AXDND1: variants seen among roughly 807,000 people sequenced by gnomAD.
AXDND1 encodes axonemal dynein light chain domain-containing protein 1.
Under a neutral mutation model 137.5 loss-of-function variants are expected in AXDND1, and 110 were observed. The ratio of observed to expected loss-of-function variants is 0.80; its 90% CI spans 0.69 to 0.94. The LOEUF is 0.94. Among genes scored for constraint, AXDND1 ranks in the 40% least tolerant of loss-of-function variants. AXDND1 has a pLI of 0.00. For synonymous variants in AXDND1, 414 were observed against 399.7 expected, an observed-to-expected ratio of 1.04 and a Z score of -0.43; for missense variants, 1,191 against 1,169.8, an observed-to-expected ratio of 1.02 and a Z score of -0.26.
At chr1:179,548,184 G>A (rs1328427753) in intron 25 of AXDND1, among the ~76,000 whole-genome samples, 1 of 152,190 alleles carries the variant, frequency 6.6e-6, no homozygotes, top group Non-Finnish European at 1.5e-5. Context: ...GGGGCCAGCA[G>A]GCTCTTATTT....
Position 179,382,682 on chromosome 1 carries a change from C to T in AXDND1, c.582-18C>T. On this transcript the variant is annotated intron_variant, in intron 6 of 25. Coordinates refer to ENST00000367618, the MANE Select transcript of AXDND1 (RefSeq NM_144696.6). ...AAAATTTTCTTAAAATAACATTTAC[C>T]TATCTTATTTATTGTAGCAAATACA... 1 of 1,573,002 alleles carries T rather than the reference C, an allele frequency of 6.4e-7. No homozygotes were observed.
intron 17 of AXDND1, among the ~76,000 whole-genome samples, chr1:179,476,779 A>G (rs1454349645): frequency 6.6e-6 from 1 of 151,852 alleles, no homozygotes; most frequent in Non-Finnish European, 1.5e-5. Context: ...CACTTTCAAG[A>G]TTTTCTCGTT....
intron 9 of AXDND1, among the ~76,000 whole-genome samples, chr1:179,387,492 TAAC>T (rs1170269508): frequency 6.6e-6 from 1 of 152,256 alleles, no homozygotes; most frequent in Non-Finnish European, 1.5e-5. Context: ...ACTGTTATAA[TAAC>T]AATTAAATTT....
Position 179,408,535 on chromosome 1 carries a change from C to T in AXDND1, c.1110-2611C>T, listed in dbSNP as rs1291540369. 2.0e-5 allele frequency among the ~76,000 whole-genome samples: 3 copies of T among 152,142 alleles called. No individual in the cohort carries two copies. In the South Asian group the frequency reaches 6.2e-4, roughly 31 times the overall value. On this transcript the variant is annotated intron_variant, in intron 11 of 25. Transcript: ENST00000367618. ...GGGACTACAGGCATGCACATGCCAT[C>T]ACACCTGGTGAATTTTTGTACTTTT...
intron 21 of AXDND1, 46 bp from the exon 22 acceptor site, chr1:179,525,288 A>G: frequency 6.5e-7 from 1 of 1,532,244 alleles, no homozygotes; most frequent in Non-Finnish European, 8.8e-7. Context: ...AATAATTGCT[A>G]ATATTTATAT....
chr1:179,425,775 G>A (rs1409802111), intron 12 of AXDND1, among the ~76,000 whole-genome samples: 1 of 143,112 alleles, frequency 7.0e-6, no homozygotes, highest in Non-Finnish European at 1.5e-5. Flanking sequence ...GGGTGACAGA[G>A]TTAGACCCTG....
chr1:179,431,973 T>G (rs1050206444), intron 14 of AXDND1, among the ~76,000 whole-genome samples: 1 of 152,320 alleles, frequency 6.6e-6, no homozygotes, highest in Middle Eastern at 3.4e-3. Flanking sequence ...ATTCAACAGA[T>G]CTTCTGATAA....
chr1:179,499,690 A>G (rs1374102742), intron 20 of AXDND1, among the ~76,000 whole-genome samples: 1 of 152,176 alleles, frequency 6.6e-6, no homozygotes, highest in Non-Finnish European at 1.5e-5. Flanking sequence ...TTGGTCTGCT[A>G]AAAGACTAAA....
intron 9 of AXDND1, among the ~76,000 whole-genome samples, chr1:179,391,395 TG>T (rs1303403795): frequency 1.3e-5 from 2 of 152,064 alleles, no homozygotes; most frequent in Non-Finnish European, 2.9e-5. Flanking sequence ...GAATTGTTGT[TG>T]CCATAATCCC....
chr1:179,445,178 A>G lies in AXDND1; in HGVS notation c.1772A>G (p.Tyr591Cys), dbSNP rs1316359726. The G allele has an allele frequency of 6.3e-7, 1 of 1,596,980 alleles. No individual in the cohort carries two copies. Among genetic ancestry groups the G allele is most frequent in the Admixed American group, 1.7e-5 (1 of 58,704 alleles). Residue 591 changes from tyrosine to cysteine, a missense_variant, in exon 16 of 26, where the codon TAT becomes TGT. By Grantham distance (194) the Tyr-to-Cys change is radical. Coordinates refer to ENST00000367618, the MANE Select transcript of AXDND1 (RefSeq NM_144696.6). ...IKNIQKLYKEYEIRINGDNGY... is the reference protein window; with the variant it reads ...IKNIQKLYKECEIRINGDNGY... ...AACATACAAAAACTCTACAAAGAAT[A>G]TGAAATAAGAATAAATGGGGACAAT...
At chr1:179,550,023 T>G (rs1673049042) in intron 25 of AXDND1, among the ~76,000 whole-genome samples, 1 of 152,172 alleles carries the variant, frequency 6.6e-6, no homozygotes, top group Non-Finnish European at 1.5e-5. Flanking sequence ...GTTACCTGCC[T>G]TTGACTTATT....
intron 18 of AXDND1, among the ~76,000 whole-genome samples, chr1:179,484,442 C>T (rs1163773064): frequency 6.6e-6 from 1 of 152,162 alleles, no homozygotes; most frequent in African/African-American, 2.4e-5. Flanking sequence ...TGAGCACCCC[C>T]CTGTCTTGTG....
At chr1:179,486,647 C>T (rs1666120575) in intron 18 of AXDND1, among the ~76,000 whole-genome samples, 2 of 148,920 alleles carry the variant, frequency 1.3e-5, no homozygotes, top group South Asian at 4.2e-4. Context: ...AGAAATCCTA[C>T]AAGCCAAAAG....
chr1:179,488,632 CTCCTTTCTTTCT>C lies in AXDND1; in HGVS notation c.2092-2904_2092-2893del, dbSNP rs1180325965. Among the ~76,000 whole-genome samples, 13 of 63,120 alleles carry C rather than the reference CTCCTTTCTTTCT, an allele frequency of 2.1e-4. 2 individuals carry two copies. The highest frequency in any genetic ancestry group is 7.9e-4 in the African/African-American group (13 of 16,424). The allele number at this position is 63,120 out of a possible 152,430, so 41.4% of individuals were successfully genotyped here. ...TCTTTCTTTCTTTCTCTCTCTCTCTCTCCTTTCTTTCTTTCTTTCTTTCTTTCTTTCTTTCTT... is the reference window on the plus strand; with the variant it reads ...TCTTTCTTTCTTTCTCTCTCTCTCTCTTCTTTCTTTCTTTCTTTCTTTCTT... On this transcript the variant is annotated intron_variant, in intron 18 of 25. Transcript: ENST00000367618.
intron 25 of AXDND1, among the ~76,000 whole-genome samples, chr1:179,537,738 T>A (rs912084023): frequency 2.2e-4 from 33 of 152,228 alleles, no homozygotes; most frequent in African/African-American, 7.5e-4. Flanking sequence ...CCCTTTTTTT[T>A]ATTAATCAGA....
chr1:179,463,957 TC>T (rs1374959701), intron 16 of AXDND1, among the ~76,000 whole-genome samples: 2 of 152,126 alleles, frequency 1.3e-5, no homozygotes, highest in Non-Finnish European at 2.9e-5. Context: ...CTGTTTTTTT[TC>T]CCATTTGCTT....
rs1447025479 is a variant in AXDND1 at position 179,549,203 on chromosome 1, A to T, written c.3032-5309A>T. 2.0e-5 allele frequency among the ~76,000 whole-genome samples: 3 copies of T among 152,212 alleles called. No homozygotes were observed. In the East Asian group the frequency reaches 5.8e-4, roughly 29 times the overall value. On this transcript the variant is annotated intron_variant, in intron 25 of 25. Transcript: ENST00000367618. The stretch of plus-strand genomic sequence containing the variant: ...GTCCTCCAGCCATCATTTCACAATT[A>T]GTAACCAGTTGGAATGCAGCACCTG...
chr1:179,394,651 A>G lies in AXDND1; in HGVS notation c.1005-447A>G, dbSNP rs145719107. ...TTAATCAGGTTTATAGAACAGTGCC[A>G]TAATTATGGATGTTAACATTATGGA... On this transcript the variant is annotated intron_variant, in intron 10 of 25. Coordinates refer to ENST00000367618, the MANE Select transcript of AXDND1 (RefSeq NM_144696.6). 3.0e-3 allele frequency among the ~76,000 whole-genome samples: 448 copies of G among 151,150 alleles called. 2 individuals are homozygous for G. Among genetic ancestry groups the G allele is most frequent in the Middle Eastern group, 6.8e-3 (2 of 292 alleles).
chr1:179,456,309 C>T lies in AXDND1; in HGVS notation c.1798+11105C>T, dbSNP rs372436693. 9.3e-6 allele frequency: 7 copies of T among 748,750 alleles called. No homozygotes were observed. The South Asian group carries it at 9.4e-5, about 10-fold the overall frequency. 46.4% of individuals were successfully genotyped at this position (748,750 alleles called of 1,614,324 possible). On this transcript the variant is annotated intron_variant, in intron 16 of 25. Transcript: ENST00000367618. ...TTGTGGTTTGACGAAGTATTGGCCT[C>T]CACCACCACAGGGGACAGAACTTCT...
Sources: allele counts gnomAD v4.1 joint callset (sites outside exome capture counted in the v4.1 genomes callset), GRCh38; gene constraint gnomAD v4.1.1; transcripts MANE v1.5; gene names NCBI Gene and HGNC (gene_info 2026-07-23, HGNC 2026-07-21).